Variants in MYBPC1 observed in about 807,000 individuals in gnomAD.
MYBPC1 encodes myosin-binding protein C, slow-type.
A neutral mutation model predicts 147.1 loss-of-function variants in MYBPC1; 52 were observed. The ratio of observed to expected loss-of-function variants is 0.35; its 90% CI spans 0.28 to 0.45. MYBPC1 has a LOEUF of 0.45. Among genes scored for constraint, MYBPC1 ranks in the 20% least tolerant of loss-of-function variants. The pLI, the probability that MYBPC1 is intolerant of heterozygous loss-of-function variation, is 1.00. For synonymous variants in MYBPC1, 477 were observed against 475.9 expected (o/e 1.00, Z -0.03); for missense variants, 1,228 against 1,440.3 (o/e 0.85, Z 2.39).
intron 29 of MYBPC1, among the ~76,000 whole-genome samples, chr12:101,680,845 G>A (rs1274694436): frequency 1.3e-5 from 2 of 152,154 alleles, no homozygotes; most frequent in African/African-American, 2.4e-5. Flanking sequence ...AAGAATGAAA[G>A]GGGCTATCAC....
Position 101,646,805 on chromosome 12 carries a change from C to T in MYBPC1, c.1008C>T (p.Ile336=), listed in dbSNP as rs769153470. 87 of 1,612,924 alleles carry T rather than the reference C, an allele frequency of 5.4e-5. No individual in the cohort carries two copies. The highest frequency in any genetic ancestry group is 7.0e-5 in the Non-Finnish European group (83 of 1,178,984). Residue 336 remains isoleucine, a synonymous_variant, in exon 13 of 32, where the codon ATC becomes ATT. Coordinates refer to ENST00000361466, the MANE Select transcript of MYBPC1 (RefSeq NM_002465.4). ...EHKGCQRILF[I]NNCQMTDDSE... The stretch of plus-strand genomic sequence containing the variant: ...AAGGATGCCAGAGAATCCTGTTTAT[C>T]AATAACTGTCAGATGACAGATGATT...
At chr12:101,669,804 G>A (rs1460785658) in intron 23 of MYBPC1, 2 of 211,460 alleles carry the variant, frequency 9.5e-6, no homozygotes, top group African/African-American at 2.4e-5. Context: ...AGGCGTGGTG[G>A]CATGTGCCTG....
chr12:101,644,481 A>G (rs767953510), intron 11 of MYBPC1, among the ~76,000 whole-genome samples, 183 bp from the exon 12 acceptor site: 3 of 152,174 alleles, frequency 2.0e-5, no homozygotes, highest in African/African-American at 7.2e-5. Context: ...AATTTAAACC[A>G]TCTTATTGTA....
At chr12:101,652,812 A>T (rs1010624407) in intron 17 of MYBPC1, 28 bp downstream of exon 17, 16 of 1,561,714 alleles carry the variant, frequency 1.0e-5, no homozygotes, top group Non-Finnish European at 1.1e-5. Flanking sequence ...TTCATTGCAT[A>T]GTTGTGTTCT....
At chr12:101,680,906 T>G (rs1701824899) in intron 29 of MYBPC1, among the ~76,000 whole-genome samples, 1 of 152,242 alleles carries the variant, frequency 6.6e-6, no homozygotes, top group African/African-American at 2.4e-5. Flanking sequence ...AAAATCCATC[T>G]ATTGAAATGA....
chr12:101,648,220 C>T (rs1335670615), intron 14 of MYBPC1, 70 bp downstream of exon 14: 3 of 1,072,390 alleles, frequency 2.8e-6, no homozygotes, highest in Non-Finnish European at 2.9e-6. Flanking sequence ...GTTGATAGAA[C>T]AGGAAGTACA....
At chr12:101,615,009 C>A (rs961157125) in intron 2 of MYBPC1, 3 of 214,136 alleles carry the variant, frequency 1.4e-5, no homozygotes, top group South Asian at 7.5e-5. Flanking sequence ...TCCCTAGCAG[C>A]TATCCAGAAA....
At position 101,631,948 on chromosome 12, in the gene MYBPC1, A is replaced by C; in HGVS notation, c.439-73A>C. 7 of 1,380,806 alleles carry C rather than the reference A, an allele frequency of 5.1e-6. No homozygotes were observed. In the South Asian group the frequency reaches 8.1e-5, roughly 16 times the overall value. 85.5% of individuals were successfully genotyped at this position (1,380,806 alleles called of 1,614,324 possible). ...TGTACTGGAATTCCCACAGACAGAC[A>C]CAGCTTTAAGCCAATGCTGAGAAAT... On this transcript the variant is annotated intron_variant, in intron 7 of 31. Transcript: ENST00000361466.
intron 5 of MYBPC1, 86 bp from the exon 6 acceptor site, chr12:101,629,348 C>T (rs1014700409): frequency 4.5e-6 from 4 of 880,122 alleles, no homozygotes; most frequent in Admixed American, 1.8e-5. Flanking sequence ...AAAGCTACAG[C>T]GTTGGTGAGA....
Position 101,651,278 on chromosome 12 carries a change from C to T in MYBPC1, c.1411C>T (p.Leu471Phe). Reference sequence around the variant, plus strand: ...ACCTCTGACTGATCAGACTGTAAATCTTGGAAAAGAAATCTGCCTGAAGTG... The same window carrying T: ...ACCTCTGACTGATCAGACTGTAAATTTTGGAAAAGAAATCTGCCTGAAGTG... ...LTPLTDQTVN[L>F]GKEICLKCEI... Residue 471 changes from leucine to phenylalanine, a missense_variant, in exon 16 of 32, where the codon CTT becomes TTT. By Grantham distance (22) the Leu-to-Phe change is conservative (BLOSUM62 0). This residue lies in a region of MYBPC1 where 1,077 missense variants were observed against 1,314.2 expected (regional missense o/e 0.82). Transcript: ENST00000361466. The T allele has an allele frequency of 6.2e-7, 1 of 1,614,026 alleles. No homozygotes were observed. The highest frequency in any genetic ancestry group is 8.5e-7 in the Non-Finnish European group (1 of 1,179,952).
chr12:101,596,367 C>T (rs1877240680), intron 1 of MYBPC1, among the ~76,000 whole-genome samples: 1 of 152,166 alleles, frequency 6.6e-6, no homozygotes, highest in Admixed American at 6.5e-5. Context: ...GCAGGGAGTC[C>T]AACCCCTGCT....
At chr12:101,626,102 A>AAG (rs1888541816) in intron 3 of MYBPC1, among the ~76,000 whole-genome samples, 3 of 151,282 alleles carry the variant, frequency 2.0e-5, no homozygotes, top group African/African-American at 7.3e-5. Flanking sequence ...AAAAAAAAAA[A>AAG]AAAAAAAAAA....
chr12:101,631,117 T>C (rs1889792690), intron 6 of MYBPC1, among the ~76,000 whole-genome samples: 1 of 152,198 alleles, frequency 6.6e-6, no homozygotes, highest in Non-Finnish European at 1.5e-5. Context: ...CACATTCCTA[T>C]AATTCCAGGC....
intron 22 of MYBPC1, among the ~76,000 whole-genome samples, chr12:101,665,034 C>A (rs1159492199): frequency 1.3e-5 from 2 of 152,086 alleles, no homozygotes; most frequent in Admixed American, 1.3e-4. Context: ...CGAGCAAATT[C>A]TTTACTCTTT....
intron 29 of MYBPC1, among the ~76,000 whole-genome samples, chr12:101,681,055 G>C (rs781365023): frequency 4.6e-5 from 7 of 152,070 alleles, no homozygotes; most frequent in Non-Finnish European, 7.4e-5. Context: ...TATTATAACA[G>C]GCTGCTTTTC....
At chr12:101,630,982 T>C (rs993602000) in intron 6 of MYBPC1, among the ~76,000 whole-genome samples, 4 of 152,200 alleles carry the variant, frequency 2.6e-5, no homozygotes, top group Admixed American at 2.6e-4. Context: ...TGGTTCCCCT[T>C]ATGTTCCTGT....
At chr12:101,669,132 T>C (rs1236723853) in intron 23 of MYBPC1, among the ~76,000 whole-genome samples, 1 of 152,140 alleles carries the variant, frequency 6.6e-6, no homozygotes, top group African/African-American at 2.4e-5. Flanking sequence ...CATCAAATCT[T>C]GGCTCTTGAG....
chr12:101,681,022 A>AGAATATATAGAATATAG (rs1950903626), intron 29 of MYBPC1, among the ~76,000 whole-genome samples: 1 of 150,778 alleles, frequency 6.6e-6, no homozygotes. Flanking sequence ...TTGATATTAC[A>AGAATATATAGAATATAG]CATATAGAAT....
At position 101,678,184 on chromosome 12, in the gene MYBPC1, T is replaced by C. The variant is rs1566012434; in HGVS notation, c.3192T>C (p.Tyr1064=). ...TTACTCAGCCTTTGGTTAACACCTA[T>C]GCCATAGCTGGTTACAATGCCACCC... The part of the protein sequence containing the change: ...PMFTQPLVNT[Y]AIAGYNATLN... Residue 1064 remains tyrosine (Y), a synonymous_variant, in exon 28 of 32, where the codon TAT becomes TAC. Coordinates refer to ENST00000361466, the MANE Select transcript of MYBPC1 (RefSeq NM_002465.4). 1 of 1,614,144 alleles carries C rather than the reference T, an allele frequency of 6.2e-7. No individual in the cohort carries two copies. Among genetic ancestry groups the C allele is most frequent in the Non-Finnish European group, 8.5e-7 (1 of 1,179,974 alleles).
Sources: allele counts gnomAD v4.1 joint callset (sites outside exome capture counted in the v4.1 genomes callset), GRCh38; gene constraint gnomAD v4.1.1; regional missense constraint gnomAD v4.1.1; transcripts MANE v1.5; gene names NCBI Gene and HGNC (gene_info 2026-07-23, HGNC 2026-07-21).